Variants in UGP2 observed in about 807,000 individuals in gnomAD.
UGP2 encodes the protein UDP-glucose pyrophosphorylase 2, also known as UTP--glucose-1-phosphate uridylyltransferase.
Under a neutral mutation model 49.0 loss-of-function variants are expected in UGP2, and 40 were observed. The observed-to-expected ratio is 0.82, with a 90% CI of 0.63 to 1.06. UGP2 has a LOEUF of 1.06. Ranked by LOEUF, UGP2 falls within the 50% of genes least tolerant of loss-of-function variation. The pLI is 0.00. For synonymous variants in UGP2, 225 were observed against 213.0 expected, an observed-to-expected ratio of 1.06 and a Z score of -0.49; for missense variants, 460 against 603.5, an observed-to-expected ratio of 0.76 and a Z score of 2.49.
chr2:63,885,706 C>T lies in UGP2; in HGVS notation c.693C>T (p.Tyr231=). The change falls in exon 6 of 10, where the codon TAC becomes TAT. Residue 231 remains tyrosine, a synonymous_variant. Coordinates refer to ENST00000337130, the MANE Select transcript of UGP2 (RefSeq NM_006759.4). The part of the protein sequence containing the change: ...PGHGDIYASF[Y]NSGLLDTFIG... ...ATGGTGATATTTACGCCAGTTTCTACAACTCTGGATTGCTTGATACCTTTA... is the reference window on the plus strand; with the variant it reads ...ATGGTGATATTTACGCCAGTTTCTATAACTCTGGATTGCTTGATACCTTTA... The T allele has an allele frequency of 1.9e-6, 3 of 1,613,858 alleles. No homozygotes were observed. The highest frequency in any genetic ancestry group is 2.5e-6 in the Non-Finnish European group (3 of 1,179,928).
At chr2:63,857,088 T>G (rs535926212) in intron 2 of UGP2, among the ~76,000 whole-genome samples, 1 of 152,160 alleles carries the variant, frequency 6.6e-6, no homozygotes, top group South Asian at 2.1e-4. Flanking sequence ...TTGCTTGAGC[T>G]CAGGAGTTTG....
intron 3 of UGP2, among the ~76,000 whole-genome samples, chr2:63,858,172 T>C (rs1264541503): frequency 3.3e-5 from 5 of 152,194 alleles, no homozygotes; most frequent in Admixed American, 6.5e-5. Flanking sequence ...CCTGTGGCAG[T>C]ACCCAGTATC....
chr2:63,877,790 G>A (rs994438577), intron 3 of UGP2, among the ~76,000 whole-genome samples: 14 of 151,422 alleles, frequency 9.2e-5, no homozygotes, highest in African/African-American at 2.9e-4. Flanking sequence ...TCAGGAGATC[G>A]AGACCATCCT....
rs369141931 is a variant in UGP2 at position 63,851,079 on chromosome 2, A to G, written c.20-5227A>G. 3.0e-4 allele frequency among the ~76,000 whole-genome samples: 45 copies of G among 152,346 alleles called. 1 individual carries two copies. The South Asian group carries it at 9.1e-3, about 31-fold the overall frequency. ...TAAAGGAGAGGTACAAGGATCTAGC[A>G]TATGAGCATGTAATAGGTAACTTAG... is the stretch of plus-strand genomic sequence containing the variant. On this transcript the variant is annotated intron_variant, in intron 1 of 9. Transcript: ENST00000337130.
At chr2:63,844,876 A>C (rs1291822666) in intron 1 of UGP2, among the ~76,000 whole-genome samples, 1 of 152,168 alleles carries the variant, frequency 6.6e-6, no homozygotes, top group Non-Finnish European at 1.5e-5. Flanking sequence ...AAATTCTTAC[A>C]TGAGTGTGTC....
chr2:63,889,197 C>T (rs1671901250), intron 8 of UGP2: 1 of 151,964 alleles, frequency 6.6e-6, no homozygotes, highest in African/African-American at 2.4e-5. Flanking sequence ...GAATGAAAAA[C>T]GAGGAATTGG....
chr2:63,886,276 T>G, intron 6 of UGP2, 65 bp from the exon 7 acceptor site: 1 of 1,464,422 alleles, frequency 6.8e-7, no homozygotes, highest in Admixed American at 1.7e-5. Flanking sequence ...ATCACTATCT[T>G]TGTATTTACA....
At chr2:63,885,453 C>T (rs983142984) in intron 5 of UGP2, 136 bp from the exon 6 acceptor site, 3 of 705,082 alleles carry the variant, frequency 4.3e-6, no homozygotes, top group Admixed American at 3.7e-5. Flanking sequence ...TAAATGGATT[C>T]ACCTATAATT....
chr2:63,856,226 C>T, intron 1 of UGP2, 80 bp from the exon 2 acceptor site: 2 of 1,522,958 alleles, frequency 1.3e-6, no homozygotes, highest in Non-Finnish European at 1.8e-6. Context: ...TGCTGAATAC[C>T]AGAAATCAGT....
chr2:63,841,478 G>A (rs1363022221), upstream of UGP2, among the ~76,000 whole-genome samples: 5 of 152,212 alleles, frequency 3.3e-5, no homozygotes, highest in Non-Finnish European at 7.3e-5. Flanking sequence ...TGCGGGGGAG[G>A]GGCAGCGTAG....
chr2:63,881,538 A>G (rs755743456), intron 3 of UGP2, among the ~76,000 whole-genome samples: 1 of 152,260 alleles, frequency 6.6e-6, no homozygotes, highest in African/African-American at 2.4e-5. Flanking sequence ...AACAGCAAAC[A>G]TGTCACATAA....
Position 63,856,441 on chromosome 2 carries a change from G to A in UGP2, c.147+8G>A, listed in dbSNP as rs1441426559. The A allele has an allele frequency of 6.2e-7, 1 of 1,608,408 alleles. No individual in the cohort carries two copies. The highest frequency in any genetic ancestry group is 2.2e-5 in the East Asian group (1 of 44,864). ...TCATCACATGAATTTGAGGTAAGGAGGTTTCTACAGTGTTCCACCCCCCCG... is the reference window on the plus strand; with the variant it reads ...TCATCACATGAATTTGAGGTAAGGAAGTTTCTACAGTGTTCCACCCCCCCG... On this transcript the variant is annotated splice_region_variant and intron_variant, in intron 2 of 9. Coordinates refer to ENST00000337130, the MANE Select transcript of UGP2 (RefSeq NM_006759.4).
At chr2:63,884,993 C>CTTTTTTTTTT (rs528966512) in intron 5 of UGP2, among the ~76,000 whole-genome samples, 44 of 23,146 alleles carry the variant, frequency 1.9e-3, no homozygotes, top group Non-Finnish European at 2.6e-3. Flanking sequence ...CCCATGGTTA[C>CTTTTTTTTTT]TTTTTTTTTT....
At chr2:63,852,611 A>C (rs1296519185) in intron 1 of UGP2, among the ~76,000 whole-genome samples, 1 of 152,220 alleles carries the variant, frequency 6.6e-6, no homozygotes, top group Non-Finnish European at 1.5e-5. Flanking sequence ...GCTTAAGGAG[A>C]TCAATCCATC....
chr2:63,887,869 G>A (rs1671797518), intron 8 of UGP2: 3 of 582,484 alleles, frequency 5.2e-6, no homozygotes, highest in Non-Finnish European at 8.4e-6. Context: ...TTTAAATTTT[G>A]GGGCATTTTA....
intron 7 of UGP2, 133 bp downstream of exon 7, chr2:63,886,671 T>C: frequency 1.0e-6 from 1 of 967,986 alleles, no homozygotes; most frequent in African/African-American, 1.6e-5. Context: ...CAGACTCTAG[T>C]TCCTAGCCCT....
At chr2:63,856,284 G>A (rs754087491) in intron 1 of UGP2, 22 bp from the exon 2 acceptor site, 10 of 1,606,476 alleles carry the variant, frequency 6.2e-6, no homozygotes, top group East Asian at 2.2e-5. Flanking sequence ...TTCAGTTGGT[G>A]GTTTTATGTT....
intron 8 of UGP2, chr2:63,888,282 T>G (rs994489375): frequency 5.2e-5 from 8 of 152,698 alleles, no homozygotes; most frequent in Non-Finnish European, 1.0e-4. Context: ...GCAAGTACAG[T>G]ACATCCTCAG....
Position 63,891,323 on chromosome 2 carries a change from C to G in UGP2, c.*96C>G. On this transcript the variant is annotated 3_prime_UTR_variant, in exon 10 of 10. Transcript: ENST00000337130. ...AATAGGCAGGTACTTTACTATGTTACTGTACCCTGCAGTGTTGATTTTTAA... is the reference window on the plus strand; with the variant it reads ...AATAGGCAGGTACTTTACTATGTTAGTGTACCCTGCAGTGTTGATTTTTAA... 1 of 1,001,204 alleles carries G rather than the reference C, an allele frequency of 1.0e-6. No homozygotes were observed. The allele number at this position is 1,001,204 out of a possible 1,614,324, so 62.0% of individuals were successfully genotyped here.
Sources: allele counts gnomAD v4.1 joint callset (sites outside exome capture counted in the v4.1 genomes callset), GRCh38; gene constraint gnomAD v4.1.1; transcripts MANE v1.5; gene names NCBI Gene and HGNC (gene_info 2026-07-23, HGNC 2026-07-21).